Variants in FGF14 observed in about 807,000 individuals in gnomAD.
FGF14 encodes fibroblast growth factor homologous factor 4.
FGF14 carries 5 observed loss-of-function variants against 25.5 expected under a neutral mutation model. The ratio of observed to expected loss-of-function variants is 0.20; its 90% confidence interval spans 0.10 to 0.41. FGF14 has a LOEUF of 0.41. Ranked by LOEUF, FGF14 falls within the 10% of genes least tolerant of loss-of-function variation. The pLI, the probability that FGF14 is intolerant of heterozygous loss-of-function variation, is 1.00. For missense variants in FGF14, 222 were observed against 320.1 expected (o/e 0.69, Z 2.34); for synonymous variants, 138 against 118.3 (o/e 1.17, Z -1.08).
Position 102,216,975 on chromosome 13 carries a change from GAATGAC to G in FGF14, c.208+184490_208+184495del, listed in dbSNP as rs1359738467. Among the ~76,000 whole-genome samples, 7 of 152,092 alleles carry G rather than the reference GAATGAC, an allele frequency of 4.6e-5. No individual in the cohort carries two copies. In the East Asian group the frequency reaches 1.3e-3, roughly 29 times the overall value. ...CTCCAAGGTTCATTCATGTTGCCAC[GAATGAC>G]AGGATTTCATTCTTTCTTATGACTG... On this transcript the variant is annotated intron_variant, in intron 1 of 4. Transcript: ENST00000376131.
rs1555355136 is a variant in FGF14, at chr13:102,087,411, T to TTTC, written c.209-212116_209-212115insGAA. Among the ~76,000 whole-genome samples the TTTC allele has an allele frequency of 5.6e-4, 73 of 130,446 alleles. 1 individual carries two copies. The Middle Eastern group carries it at 0.015, about 26-fold the overall frequency. The allele number at this position is 130,446 out of a possible 152,430, so 85.6% of individuals were successfully genotyped here. On this transcript the variant is annotated intron_variant, in intron 1 of 4. Coordinates refer to the FGF14 transcript ENST00000376131. Reference sequence around the variant, plus strand: ...GTAAAAAATAGACTGTAATTTCTTTTTTTTTTTTTTTTTTTTTTGAGACAG... The same window carrying TTTC: ...GTAAAAAATAGACTGTAATTTCTTTTTTCTTTTTTTTTTTTTTTTTTGAGACAG...
chr13:102,206,119 CA>C (rs1047217365), intron 1 of FGF14, among the ~76,000 whole-genome samples: 1 of 123,220 alleles, frequency 8.1e-6, no homozygotes, highest in African/African-American at 3.5e-5. Context: ...TCACACTAGT[CA>C]ACCTTCAAAC....
chr13:101,897,990 G>A (rs1195317042), intron 1 of FGF14, among the ~76,000 whole-genome samples: 1 of 151,730 alleles, frequency 6.6e-6, no homozygotes, highest in African/African-American at 2.4e-5. Flanking sequence ...TGCCTCCCGG[G>A]TTCAAGTGAT....
At chr13:101,937,888 G>T (rs1321999774) in intron 1 of FGF14, among the ~76,000 whole-genome samples, 2 of 152,232 alleles carry the variant, frequency 1.3e-5, no homozygotes, top group East Asian at 3.9e-4. Context: ...ATGAGGCACC[G>T]TGCCCAGCCC....
At chr13:102,117,334 G>A (rs1211602275) in intron 1 of FGF14, among the ~76,000 whole-genome samples, 1 of 151,876 alleles carries the variant, frequency 6.6e-6, no homozygotes, top group South Asian at 2.1e-4. Context: ...ACTTGCTCCT[G>A]TCCTGACTTG....
At chr13:102,224,468 G>A (rs1384460697) in intron 1 of FGF14, among the ~76,000 whole-genome samples, 3 of 152,070 alleles carry the variant, frequency 2.0e-5, no homozygotes, top group Non-Finnish European at 4.4e-5. Context: ...TTATAGATTC[G>A]AATGTCGCTA....
At position 102,232,315 on chromosome 13, in the gene FGF14, A is replaced by G. The variant is rs141995217; in HGVS notation, c.208+169156T>C. 7.7e-3 allele frequency among the ~76,000 whole-genome samples: 1,178 copies of G among 152,340 alleles called. 17 individuals are homozygous for G. The highest frequency in any genetic ancestry group is 0.027 in the African/African-American group (1,124 of 41,578). ...GAATAAAACTAAAAATAACTTTCAC[A>G]TCCACATCAACAACAACTTTACCTA... is the stretch of plus-strand genomic sequence containing the variant. On this transcript the variant is annotated intron_variant, in intron 1 of 4. Coordinates refer to the FGF14 transcript ENST00000376131.
intron 1 of FGF14, among the ~76,000 whole-genome samples, chr13:102,166,615 T>C (rs967738033): frequency 6.6e-6 from 1 of 152,188 alleles, no homozygotes; most frequent in Non-Finnish European, 1.5e-5. Context: ...TTTAAGCGCT[T>C]TCTGCCATTT....
chr13:101,881,633 T>C (rs1230732290), intron 1 of FGF14, among the ~76,000 whole-genome samples: 3 of 131,592 alleles, frequency 2.3e-5, no homozygotes, highest in Non-Finnish European at 4.9e-5. Flanking sequence ...AGTCAATCCA[T>C]CACTTACAAT....
chr13:102,182,176 A>G (rs1273953013), intron 1 of FGF14, among the ~76,000 whole-genome samples: 2 of 152,088 alleles, frequency 1.3e-5, no homozygotes, highest in Non-Finnish European at 2.9e-5. Flanking sequence ...AGAGAGAGAA[A>G]TGTGGCAATA....
chr13:102,319,454 C>T (rs568403261), intron 1 of FGF14, among the ~76,000 whole-genome samples: 1 of 152,190 alleles, frequency 6.6e-6, no homozygotes, highest in Admixed American at 6.5e-5. Flanking sequence ...TGCCTTCCCC[C>T]ATCCCTCTCT....
chr13:102,109,029 T>C (rs1433992374), intron 1 of FGF14, among the ~76,000 whole-genome samples: 1 of 152,182 alleles, frequency 6.6e-6, no homozygotes, highest in Non-Finnish European at 1.5e-5. Flanking sequence ...ATTGTATATA[T>C]GCATGTACAC....
chr13:102,377,275 G>A (rs2058063019), intron 1 of FGF14, among the ~76,000 whole-genome samples: 1 of 152,008 alleles, frequency 6.6e-6, no homozygotes, highest in Non-Finnish European at 1.5e-5. Context: ...TTTAATATGT[G>A]CTTTGTTCAT....
At chr13:102,309,135 TACACACAC>T (rs34911009) in intron 1 of FGF14, among the ~76,000 whole-genome samples, 12 of 142,458 alleles carry the variant, frequency 8.4e-5, no homozygotes, top group African/African-American at 2.9e-4. Flanking sequence ...ATGCATAACA[TACACACAC>T]ACACACACAC....
rs552428743 is a variant in FGF14, at chr13:101,904,365, T to C, written c.193+12088A>G. Among the ~76,000 whole-genome samples the C allele has an allele frequency of 7.9e-5, 12 of 151,890 alleles. No homozygotes were observed. In the East Asian group the frequency reaches 2.1e-3, roughly 27 times the overall value. On this transcript the variant is annotated intron_variant, in intron 1 of 4. Transcript: ENST00000376143. ...TGGGGTATTTTCTTATATTCAGGTT[T>C]TAAGAAAAAAAAAATCAACAGGCCT...
chr13:101,718,212 C>T lies in FGF14; in HGVS notation c.*4619G>A, dbSNP rs991894296. On this transcript the variant is annotated 3_prime_UTR_variant, in exon 5 of 5. Coordinates refer to ENST00000376143, the MANE Select transcript of FGF14 (RefSeq NM_004115.4). Reference sequence around the variant, plus strand: ...AAATATTTTTACTTATTTCTGTCCACTATGTTTGTGTGTATGTGTGTGTTT... The same window carrying T: ...AAATATTTTTACTTATTTCTGTCCATTATGTTTGTGTGTATGTGTGTGTTT... 3 of 151,998 alleles carry T rather than the reference C, an allele frequency of 2.0e-5. No homozygotes were observed. The highest frequency in any genetic ancestry group is 4.8e-5 in the African/African-American group (2 of 41,408). The allele number at this position is 151,998 out of a possible 1,614,324, so 9.4% of individuals were successfully genotyped here.
At chr13:101,800,947 G>C (rs1057417819) in intron 3 of FGF14, among the ~76,000 whole-genome samples, 1 of 152,138 alleles carries the variant, frequency 6.6e-6, no homozygotes. Flanking sequence ...AATCTGCCTG[G>C]AGGAGGGACT....
At chr13:102,280,386 T>C (rs1488068164) in intron 1 of FGF14, among the ~76,000 whole-genome samples, 1 of 152,174 alleles carries the variant, frequency 6.6e-6, no homozygotes, top group Non-Finnish European at 1.5e-5. Flanking sequence ...AAATGTTTTA[T>C]GTGAAAAACT....
At chr13:102,251,693 G>A (rs766046450) in intron 1 of FGF14, among the ~76,000 whole-genome samples, 4 of 152,068 alleles carry the variant, frequency 2.6e-5, no homozygotes, top group African/African-American at 7.2e-5. Context: ...CCAAATTCAC[G>A]TTGGGGCAAT....
Sources: gnomAD v4.1 joint callset for allele counts (sites outside exome capture counted in the v4.1 genomes callset) on GRCh38, gnomAD v4.1.1 for gene constraint, MANE v1.5 for transcripts, NCBI Gene and HGNC (gene_info 2026-07-23, HGNC 2026-07-21) for gene names.